Variants in ADPRHL1 observed in about 807,000 individuals in gnomAD.
ADPRHL1 encodes ADP-ribosylhydrolase like 1, also known as inactive ADP-ribosyltransferase ARH2.
Under a neutral mutation model 44.1 loss-of-function variants are expected in ADPRHL1, and 43 were observed. The observed-to-expected ratio is 0.98, with a 90% confidence interval of 0.76 to 1.26. The LOEUF (loss-of-function observed/expected upper bound fraction) is 1.26, where lower values mean the gene tolerates loss of function less well. Among genes scored for constraint, ADPRHL1 ranks in the 50% most tolerant of loss-of-function variants. ADPRHL1 has a pLI of 0.00. For synonymous variants in ADPRHL1, 878 were observed against 1,017.4 expected, an observed-to-expected ratio of 0.86 and a Z score of 2.61; for missense variants, 2,022 against 2,496.9, an observed-to-expected ratio of 0.81 and a Z score of 4.05.
intron 3 of ADPRHL1, among the ~76,000 whole-genome samples, chr13:113,429,471 C>T (rs986122115): frequency 1.2e-4 from 19 of 152,260 alleles, no homozygotes; most frequent in Non-Finnish European, 1.6e-4. Flanking sequence ...TCCCCAGGTT[C>T]ACCCGCGTGG....
At chr13:113,438,135 GT>G (rs1041375600) in intron 2 of ADPRHL1, among the ~76,000 whole-genome samples, 7 of 152,070 alleles carry the variant, frequency 4.6e-5, no homozygotes, top group African/African-American at 1.2e-4. Context: ...CTGGCAGAAT[GT>G]TTAACTTTTA....
chr13:113,451,066 A>C (rs556055652), intron 1 of ADPRHL1, among the ~76,000 whole-genome samples: 271 of 152,062 alleles, frequency 1.8e-3, no homozygotes, highest in African/African-American at 3.8e-3. Flanking sequence ...CTGGCGTCAC[A>C]GCTAGACCAA....
At chr13:113,449,411 C>G (rs2044164723) in intron 1 of ADPRHL1, 1 of 194,384 alleles carries the variant, frequency 5.1e-6, no homozygotes, top group Non-Finnish European at 9.5e-6. Context: ...AAGGAGGCAG[C>G]CCTGTTCAGA....
At chr13:113,421,734 A>C (rs996010428) in intron 7 of ADPRHL1, among the ~76,000 whole-genome samples, 1 of 152,148 alleles carries the variant, frequency 6.6e-6, no homozygotes, top group Non-Finnish European at 1.5e-5. Flanking sequence ...CCCCTTTCAA[A>C]TCATCCCATA....
Position 113,421,448 on chromosome 13 carries a change from C to T in ADPRHL1, c.1061+1378G>A, listed in dbSNP as rs1465581301. ...TGGGGACACCCCCATCCCTGGGACA[C>T]GCCCATCCCCGGGACATGCCTACCC... is the stretch of plus-strand genomic sequence containing the variant. On this transcript the variant is annotated intron_variant, in intron 7 of 7. Coordinates refer to ENST00000612156, the MANE Select transcript of ADPRHL1 (RefSeq NM_001394807.1). Among the ~76,000 whole-genome samples the T allele has an allele frequency of 1.0e-3, 149 of 148,436 alleles. 1 individual carries two copies. Among genetic ancestry groups the T allele is most frequent in the African/African-American group, 3.6e-3 (143 of 40,254 alleles).
At chr13:113,445,840 C>T (rs1319877112) in intron 1 of ADPRHL1, among the ~76,000 whole-genome samples, 1 of 142,796 alleles carries the variant, frequency 7.0e-6, no homozygotes, top group Non-Finnish European at 1.5e-5. Context: ...GCTGCAAACC[C>T]CTGGCGAGAG....
At chr13:113,450,619 G>A (rs1205138540) in intron 1 of ADPRHL1, among the ~76,000 whole-genome samples, 1 of 152,198 alleles carries the variant, frequency 6.6e-6, no homozygotes, top group Admixed American at 6.5e-5. Flanking sequence ...TGGGTCACGT[G>A]TCCACTGGAC....
intron 2 of ADPRHL1, among the ~76,000 whole-genome samples, chr13:113,439,412 C>T (rs1013356613): frequency 2.0e-5 from 3 of 151,310 alleles, no homozygotes; most frequent in African/African-American, 4.9e-5. Context: ...TGTGAGCCAC[C>T]GTGCCCAGCC....
At chr13:113,444,287 C>A (rs1257785690) in intron 2 of ADPRHL1, 138 bp downstream of exon 2, 12 of 1,250,894 alleles carry the variant, frequency 9.6e-6, no homozygotes, top group East Asian at 2.3e-5. Context: ...GGGGCCCCCA[C>A]CCGACAAAGG....
chr13:113,431,163 C>T lies in ADPRHL1; in HGVS notation c.506-2071G>A, dbSNP rs190626721. 2.1e-4 allele frequency among the ~76,000 whole-genome samples: 32 copies of T among 152,306 alleles called. No homozygotes were observed. The East Asian group carries it at 5.6e-3, about 27-fold the overall frequency. On this transcript the variant is annotated intron_variant, in intron 3 of 7. Transcript: ENST00000612156. ...GAGGCAGGCTCTGCGGTGGGTGCCG[C>T]GTGCGTTCTGACATCCCACTTCTCT...
chr13:113,414,902 T>C (rs1432128359), intron 7 of ADPRHL1, among the ~76,000 whole-genome samples: 1 of 152,096 alleles, frequency 6.6e-6, no homozygotes, highest in African/African-American at 2.4e-5. Context: ...TTCGAACTCC[T>C]GACCTCATGA....
Position 113,400,555 on chromosome 13 carries a change from C to A in ADPRHL1, c.*2823G>T, listed in dbSNP as rs1374540981. 1 of 152,008 alleles carries A rather than the reference C, an allele frequency of 6.6e-6. No homozygotes were observed. The highest frequency in any genetic ancestry group is 1.5e-5 in the Non-Finnish European group (1 of 68,042). The allele number at this position is 152,008 out of a possible 1,614,324, so 9.4% of individuals were successfully genotyped here. A position where few individuals can be genotyped will look rare whatever the true frequency, so the allele number is the denominator to read the frequency against. On this transcript the variant is annotated 3_prime_UTR_variant, in exon 8 of 8. Coordinates refer to ENST00000612156, the MANE Select transcript of ADPRHL1 (RefSeq NM_001394807.1). Reference sequence around the variant, plus strand: ...CCATTCTTCTGCTGTAGTTATTTCACCCCGGGAGGGTGTGGGCCTTAGCCA... The same window carrying A: ...CCATTCTTCTGCTGTAGTTATTTCAACCCGGGAGGGTGTGGGCCTTAGCCA...
In ADPRHL1 at chr13:113,433,886, G is replaced by C. The variant is rs1462284052; in HGVS notation, c.380-19C>G. 6.5e-7 allele frequency: 1 copy of C among 1,528,522 alleles called. No individual in the cohort carries two copies. Among genetic ancestry groups the C allele is most frequent in the Admixed American group, 2.0e-5 (1 of 50,424 alleles). 94.7% of individuals were successfully genotyped at this position (1,528,522 alleles called of 1,614,324 possible). The stretch of plus-strand genomic sequence containing the variant: ...CCTGAGCCTGTGTGGAGAAGGAAGA[G>C]CTAGTTTAGACTTCTGCTCCAATAA... On this transcript the variant is annotated intron_variant, in intron 2 of 7. Coordinates refer to ENST00000612156, the MANE Select transcript of ADPRHL1 (RefSeq NM_001394807.1).
chr13:113,419,351 A>G (rs1228651159), intron 7 of ADPRHL1, among the ~76,000 whole-genome samples: 1 of 144,818 alleles, frequency 6.9e-6, no homozygotes, highest in Non-Finnish European at 1.5e-5. Flanking sequence ...TCCTAAGCTC[A>G]AGCGATCCTC....
intron 2 of ADPRHL1, among the ~76,000 whole-genome samples, chr13:113,437,043 C>CAT (rs1404246590): frequency 1.6e-5 from 2 of 128,714 alleles, no homozygotes; most frequent in Admixed American, 8.0e-5. Flanking sequence ...CACCCAGGCG[C>CAT]AGGGTGAACA....
intron 3 of ADPRHL1, among the ~76,000 whole-genome samples, chr13:113,432,852 G>A (rs948901556): frequency 1.2e-4 from 18 of 152,228 alleles, no homozygotes; most frequent in Non-Finnish European, 1.9e-4. Flanking sequence ...CCAGGACTAA[G>A]GGCCAACTGC....
At chr13:113,418,725 C>T (rs984235164) in intron 7 of ADPRHL1, among the ~76,000 whole-genome samples, 1 of 152,106 alleles carries the variant, frequency 6.6e-6, no homozygotes, top group Non-Finnish European at 1.5e-5. Flanking sequence ...ATCCGTGGGC[C>T]TGAGAGAAAG....
Position 113,405,005 on chromosome 13 carries a change from T to G in ADPRHL1, c.4277A>C (p.Lys1426Thr). The G allele has an allele frequency of 8.1e-7, 1 of 1,234,086 alleles. No individual in the cohort carries two copies. Among genetic ancestry groups the G allele is most frequent in the Non-Finnish European group, 1.0e-6 (1 of 989,630 alleles). The allele number at this position is 1,234,086 out of a possible 1,614,324, so 76.4% of individuals were successfully genotyped here. A position where few individuals can be genotyped will look rare whatever the true frequency, so the allele number is the denominator to read the frequency against. The change falls in exon 8 of 8, where the codon AAA becomes ACA. Residue 1426 changes from lysine to threonine, a missense_variant. Coordinates refer to ENST00000612156, the MANE Select transcript of ADPRHL1 (RefSeq NM_001394807.1). ...GCCCCCAACCCCAATGGCCATCCCT[T>G]TGTCCCCGGCCAGATCCTGTGCCCA... ...TWWAQDLAGD[K>T]GMAIGVGGAC...
At chr13:113,440,483 T>A (rs1219219975) in intron 2 of ADPRHL1, among the ~76,000 whole-genome samples, 1 of 150,016 alleles carries the variant, frequency 6.7e-6, no homozygotes, top group South Asian at 2.1e-4. Flanking sequence ...TGAGATGGAG[T>A]CTCACTCTGT....
Sources: allele counts gnomAD v4.1 joint callset (sites outside exome capture counted in the v4.1 genomes callset), GRCh38; gene constraint gnomAD v4.1.1; transcripts MANE v1.5; gene names NCBI Gene and HGNC (gene_info 2026-07-23, HGNC 2026-07-21).